Variants in RIC8B observed in about 807,000 individuals in gnomAD.
RIC8B encodes the protein RIC8 guanine nucleotide exchange factor B, also known as chaperone Ric-8B.
A neutral mutation model predicts 57.5 loss-of-function variants in RIC8B; 16 were observed. That is an observed-to-expected ratio of 0.28 (90% CI 0.19 to 0.42). RIC8B has a LOEUF of 0.42. RIC8B is among the 10% of genes least tolerant of loss of function. The pLI, the probability that RIC8B is intolerant of heterozygous loss-of-function variation, is 1.00. For missense variants in RIC8B, 481 were observed against 677.0 expected (o/e 0.71, Z 3.21); for synonymous variants, 216 against 250.8 (o/e 0.86, Z 1.31).
At chr12:106,782,742 C>G (rs561728830) in intron 1 of RIC8B, among the ~76,000 whole-genome samples, 1 of 152,318 alleles carries the variant, frequency 6.6e-6, no homozygotes, top group East Asian at 1.9e-4. Flanking sequence ...CAACATTTCT[C>G]TATCTTCTTT....
chr12:106,796,051 T>G (rs914992430), intron 2 of RIC8B, among the ~76,000 whole-genome samples: 1 of 152,186 alleles, frequency 6.6e-6, no homozygotes. Context: ...TTAGAAGACT[T>G]ACTATTGCTA....
In RIC8B at chr12:106,886,215, T is replaced by TA. The variant is rs1405098315; in HGVS notation, c.*201dup. 109 of 502,168 alleles carry TA rather than the reference T, an allele frequency of 2.2e-4. No homozygotes were observed. In the East Asian group the frequency reaches 3.4e-3, roughly 16 times the overall value. The allele number at this position is 502,168 out of a possible 1,614,324, so 31.1% of individuals were successfully genotyped here. On this transcript the variant is annotated 3_prime_UTR_variant, in exon 10 of 10. Transcript: ENST00000392837. ...TGAGGCATTCATACAGAGCTGCAGT[T>TA]AGACGGGGTTACGGGGGCTAAAAGC...
chr12:106,789,595 C>T (rs1018761592), intron 2 of RIC8B, among the ~76,000 whole-genome samples: 2 of 152,094 alleles, frequency 1.3e-5, no homozygotes, highest in Non-Finnish European at 2.9e-5. Flanking sequence ...ATAAACCCAT[C>T]AGCTTTCATG....
chr12:106,803,888 C>T (rs113622270), intron 2 of RIC8B, among the ~76,000 whole-genome samples: 2,112 of 152,262 alleles, frequency 0.014, 56 homozygotes, highest in African/African-American at 0.048. Context: ...TTAGCTCTTA[C>T]TGTGTACCAT....
intron 4 of RIC8B, among the ~76,000 whole-genome samples, chr12:106,834,630 T>C (rs966017695): frequency 3.3e-5 from 5 of 152,154 alleles, no homozygotes; most frequent in Non-Finnish European, 7.3e-5. Flanking sequence ...TGTCAATTCA[T>C]TTATAAAATA....
At chr12:106,854,897 G>A (rs554281486) in intron 7 of RIC8B, among the ~76,000 whole-genome samples, 5 of 152,264 alleles carry the variant, frequency 3.3e-5, no homozygotes, top group East Asian at 1.9e-4. Flanking sequence ...CAGGCCCAAC[G>A]GTATCTCCAG....
intron 2 of RIC8B, among the ~76,000 whole-genome samples, chr12:106,786,568 C>T (rs1056488780): frequency 2.0e-5 from 3 of 152,100 alleles, no homozygotes; most frequent in Non-Finnish European, 4.4e-5. Context: ...ATTACAGATA[C>T]GTTTTACTCT....
At chr12:106,833,231 A>G (rs2136368517) in intron 4 of RIC8B, among the ~76,000 whole-genome samples, 1 of 152,318 alleles carries the variant, frequency 6.6e-6, no homozygotes, top group East Asian at 1.9e-4. Flanking sequence ...TAATGAAATT[A>G]TATACAAATA....
intron 2 of RIC8B, 121 bp from the exon 3 acceptor site, chr12:106,814,575 A>G: frequency 9.3e-7 from 1 of 1,072,588 alleles, no homozygotes; most frequent in Non-Finnish European, 1.3e-6. Flanking sequence ...GATTTAAAAA[A>G]TAATAAAAAC....
chr12:106,787,804 G>A lies in RIC8B; in HGVS notation c.132+3760G>A, dbSNP rs560501764. On this transcript the variant is annotated intron_variant, in intron 2 of 9. Transcript: ENST00000392837. ...CCCACAGTGCGTGGGAATTACGGGA[G>A]TACAATTCAAGATGAGGTTTGGGTG... Among the ~76,000 whole-genome samples the A allele has an allele frequency of 5.3e-5, 8 of 152,250 alleles. No individual in the cohort carries two copies. The East Asian group carries it at 9.6e-4, about 18-fold the overall frequency.
intron 4 of RIC8B, among the ~76,000 whole-genome samples, chr12:106,840,174 C>T (rs907339247): frequency 2.6e-5 from 4 of 152,022 alleles, no homozygotes; most frequent in African/African-American, 9.7e-5. Context: ...TATGGATCTA[C>T]GTGTGCCATA....
At position 106,831,380 on chromosome 12, in the gene RIC8B, T is replaced by C. The variant is rs569580184; in HGVS notation, c.836+5560T>C. Among the ~76,000 whole-genome samples the C allele has an allele frequency of 2.7e-3, 407 of 152,354 alleles. 1 individual carries two copies. The highest frequency in any genetic ancestry group is 4.7e-3 in the Non-Finnish European group (319 of 68,040). On this transcript the variant is annotated intron_variant, in intron 4 of 9. Coordinates refer to ENST00000392837, the MANE Select transcript of RIC8B (RefSeq NM_001330145.2). ...AATCACTTTGCATGTGTTTATGATA[T>C]GCAGTCTTATGTAGAAAATCTGTTT... is the stretch of plus-strand genomic sequence containing the variant.
chr12:106,886,058 T>G lies in RIC8B; in HGVS notation c.*43T>G. 1 of 1,340,676 alleles carries G rather than the reference T, an allele frequency of 7.5e-7. No individual in the cohort carries two copies. Among genetic ancestry groups the G allele is most frequent in the Non-Finnish European group, 1.1e-6 (1 of 933,978 alleles). The allele number at this position is 1,340,676 out of a possible 1,614,324, so 83.0% of individuals were successfully genotyped here. On this transcript the variant is annotated 3_prime_UTR_variant, in exon 10 of 10. Coordinates refer to ENST00000392837, the MANE Select transcript of RIC8B (RefSeq NM_001330145.2). ...CTCTCAATATTGCTTTATCAGCATC[T>G]TTTCTCTGTAGCTCCAGGGGAATCT...
At chr12:106,864,011 A>G (rs1211743324) in intron 8 of RIC8B, among the ~76,000 whole-genome samples, 4 of 152,188 alleles carry the variant, frequency 2.6e-5, no homozygotes, top group Non-Finnish European at 5.9e-5. Flanking sequence ...GTAGATACAT[A>G]GTAAATATCA....
Position 106,886,068 on chromosome 12 carries a change from A to G in RIC8B, c.*53A>G. On this transcript the variant is annotated 3_prime_UTR_variant, in exon 10 of 10. Coordinates refer to ENST00000392837, the MANE Select transcript of RIC8B (RefSeq NM_001330145.2). ...TGCTTTATCAGCATCTTTTCTCTGT[A>G]GCTCCAGGGGAATCTTTTCTCTAAA... 1 of 1,238,222 alleles carries G rather than the reference A, an allele frequency of 8.1e-7. No individual in the cohort carries two copies. The highest frequency in any genetic ancestry group is 1.2e-6 in the Non-Finnish European group (1 of 842,042). The allele number at this position is 1,238,222 out of a possible 1,614,324, so 76.7% of individuals were successfully genotyped here. A position where few individuals can be genotyped will look rare whatever the true frequency, so the allele number is the denominator to read the frequency against.
chr12:106,827,250 T>G (rs2046146419), intron 4 of RIC8B, among the ~76,000 whole-genome samples: 1 of 152,226 alleles, frequency 6.6e-6, no homozygotes, highest in African/African-American at 2.4e-5. Flanking sequence ...TTCATCATGA[T>G]GCTACTCATG....
chr12:106,775,060 T>G, intron 1 of RIC8B: 1 of 551,742 alleles, frequency 1.8e-6, no homozygotes, highest in South Asian at 2.2e-5. Context: ...GCCCAGCAGC[T>G]TGACCTCCGG....
At chr12:106,845,890 T>A (rs187204314) in intron 6 of RIC8B, among the ~76,000 whole-genome samples, 41 of 152,336 alleles carry the variant, frequency 2.7e-4, no homozygotes, top group African/African-American at 9.6e-4. Context: ...TCTCTTTTTT[T>A]AAATTCTCCA....
intron 1 of RIC8B, among the ~76,000 whole-genome samples, chr12:106,776,541 T>A (rs948786308): frequency 6.6e-6 from 1 of 152,192 alleles, no homozygotes; most frequent in South Asian, 2.1e-4. Flanking sequence ...CTGGATATAA[T>A]CACGTTCTTT....
Sources: allele counts gnomAD v4.1 joint callset (sites outside exome capture counted in the v4.1 genomes callset), GRCh38; gene constraint gnomAD v4.1.1; transcripts MANE v1.5; gene names NCBI Gene and HGNC (gene_info 2026-07-23, HGNC 2026-07-21).